Variants in SYT5 observed in about 807,000 individuals in gnomAD.
SYT5 encodes the protein synaptotagmin-5.
A neutral mutation model predicts 36.0 loss-of-function variants in SYT5; 29 were observed. The observed-to-expected ratio is 0.81, with a 90% CI of 0.60 to 1.10. SYT5 has a LOEUF of 1.10. SYT5 is among the 50% of genes least tolerant of loss of function. The pLI, the probability that SYT5 is intolerant of heterozygous loss-of-function variation, is 0.00. For synonymous variants in SYT5, 231 were observed against 227.6 expected (o/e 1.02, Z -0.14); for missense variants, 512 against 516.0 (o/e 0.99, Z 0.08).
Position 55,176,082 on chromosome 19 carries a change from G to C in SYT5, c.295C>G (p.Pro99Ala). The C allele has an allele frequency of 6.2e-7, 1 of 1,614,146 alleles. No homozygotes were observed. Among genetic ancestry groups the C allele is most frequent in the African/African-American group, 1.3e-5 (1 of 75,060 alleles). The change falls in exon 4 of 9, where the codon CCA becomes GCA. Residue 99 changes from proline to alanine, a missense_variant. Coordinates refer to ENST00000354308, the MANE Select transcript of SYT5 (RefSeq NM_003180.3). Reference sequence around the variant, plus strand: ...TGCTTGTCTGCCACCTGCTGCCCTGGCCCGGATGGTGCTGGCTCCAGCTCC... The same window carrying C: ...TGCTTGTCTGCCACCTGCTGCCCTGCCCCGGATGGTGCTGGCTCCAGCTCC... The part of the protein sequence containing the change: ...VEELEPAPSG[P>A]GQQVADKHEL...
In SYT5 at chr19:55,176,050, T is replaced by C. The variant is rs925890006; in HGVS notation, c.327A>G (p.Leu109=). ...PGQQVADKHE[L]GRLQYSLDYD... is the part of the protein sequence containing the mutation. ...AATCCAGGGAGTACTGCAGTCGTCC[T>C]AGCTCATGCTTGTCTGCCACCTGCT... Residue 109 remains leucine, a synonymous_variant, in exon 4 of 9, where the codon CTA becomes CTG. Coordinates refer to ENST00000354308, the MANE Select transcript of SYT5 (RefSeq NM_003180.3). The C allele has an allele frequency of 3.1e-6, 5 of 1,614,096 alleles. No individual in the cohort carries two copies. The African/African-American group carries it at 6.7e-5, about 22-fold the overall frequency.
Position 55,174,898 on chromosome 19 carries a change from G to C in SYT5, c.810C>G (p.Asp270Glu), listed in dbSNP as rs766267256. 1 of 1,613,936 alleles carries C rather than the reference G, an allele frequency of 6.2e-7. No individual in the cohort carries two copies. Among genetic ancestry groups the C allele is most frequent in the South Asian group, 1.1e-5 (1 of 91,062 alleles). Residue 270 changes from aspartate (D) to glutamate (E), a missense_variant, in exon 7 of 9, where the codon GAC (aspartate) becomes GAG (glutamate). Coordinates refer to ENST00000354308, the MANE Select transcript of SYT5 (RefSeq NM_003180.3). ...CCCACACACCTGACAGTCCTCCTAC[G>C]TCCATCTTCTTCAGGTTTTTAGCCT... ...VLEAKNLKKM[D>E]VGGLSDPYVK...
rs2086008005 is a variant in SYT5, at chr19:55,171,830, A to C, written c.*1654T>G. 1 of 152,222 alleles carries C rather than the reference A, an allele frequency of 6.6e-6. No homozygotes were observed. Among genetic ancestry groups the C allele is most frequent in the South Asian group, 2.1e-4 (1 of 4,828 alleles). 9.4% of individuals were successfully genotyped at this position (152,222 alleles called of 1,614,324 possible). Reference sequence around the variant, plus strand: ...GAAAAAATTAGCTAGGCATGGTTGCATGTGCCTGTGGTCCCAGCTACTCAG... The same window carrying C: ...GAAAAAATTAGCTAGGCATGGTTGCCTGTGCCTGTGGTCCCAGCTACTCAG... On this transcript the variant is annotated 3_prime_UTR_variant, in exon 9 of 9. Coordinates refer to ENST00000354308, the MANE Select transcript of SYT5 (RefSeq NM_003180.3).
chr19:55,178,393 C>A, intron 2 of SYT5, 25 bp from the exon 3 acceptor site: 1 of 1,602,718 alleles, frequency 6.2e-7, no homozygotes, highest in Non-Finnish European at 8.5e-7. Flanking sequence ...AGACAACACA[C>A]ATTGAGGCCT....
chr19:55,174,299 G>A (rs553580866), intron 8 of SYT5, among the ~76,000 whole-genome samples: 1 of 152,240 alleles, frequency 6.6e-6, no homozygotes, highest in African/African-American at 2.4e-5. Context: ...GGACATCCCG[G>A]TCCCGCTTAG....
intron 3 of SYT5, 121 bp from the exon 4 acceptor site, chr19:55,176,245 CA>C (rs760624359): frequency 7.3e-7 from 1 of 1,371,636 alleles, no homozygotes; most frequent in Non-Finnish European, 1.0e-6. Flanking sequence ...ACAGGCTAAG[CA>C]GATTCAGTAT....
At chr19:55,174,456 C>T in intron 8 of SYT5, 61 bp downstream of exon 8, 3 of 1,579,778 alleles carry the variant, frequency 1.9e-6, no homozygotes, top group South Asian at 2.3e-5. Context: ...AGTCTCCCTC[C>T]GCCTAGCAAT....
rs2086123917 is a variant in SYT5 at position 55,179,515 on chromosome 19, G to T, written c.-45-429C>A. 3.7e-6 allele frequency: 1 copy of T among 273,112 alleles called. No individual in the cohort carries two copies. Among genetic ancestry groups the T allele is most frequent in the Non-Finnish European group, 6.8e-6 (1 of 146,162 alleles). The allele number at this position is 273,112 out of a possible 1,614,324, so 16.9% of individuals were successfully genotyped here. ...CGCACAGACGCGGAGTCCCGGCGGG[G>T]CAGGCTCGCTCCGGGGCCCACCGGT... is the stretch of plus-strand genomic sequence containing the variant. On this transcript the variant is annotated intron_variant, in intron 1 of 8. Transcript: ENST00000354308. The surrounding 1 kb of genome is among the most constrained non-coding windows in gnomAD (Gnocchi z 4.5).
At position 55,172,148 on chromosome 19, in the gene SYT5, C is replaced by T. The variant is rs112468864; in HGVS notation, c.*1336G>A. 0.052 allele frequency: 7,910 copies of T among 152,072 alleles called. 324 individuals are homozygous for T. The highest frequency in any genetic ancestry group is 0.17 in the East Asian group (866 of 5,154). 9.4% of individuals were successfully genotyped at this position (152,072 alleles called of 1,614,324 possible). On this transcript the variant is annotated 3_prime_UTR_variant, in exon 9 of 9. Coordinates refer to ENST00000354308, the MANE Select transcript of SYT5 (RefSeq NM_003180.3). ...AAAAGAAAAGAAGAAGGGCCGGGCG[C>T]GGTGGCTCACGCCTGTAATCCTAGC...
rs1296234919 is a variant in SYT5 at position 55,172,483 on chromosome 19, AAAAGG to A, written c.*996_*1000del. 2 of 152,142 alleles carry A rather than the reference AAAAGG, an allele frequency of 1.3e-5. No individual in the cohort carries two copies. Among genetic ancestry groups the A allele is most frequent in the Admixed American group, 6.5e-5 (1 of 15,270 alleles). 9.4% of individuals were successfully genotyped at this position (152,142 alleles called of 1,614,324 possible). On this transcript the variant is annotated 3_prime_UTR_variant, in exon 9 of 9. Coordinates refer to ENST00000354308, the MANE Select transcript of SYT5 (RefSeq NM_003180.3). ...AAAAAAAAACAAGAGAAAAAGAAAG[AAAAGG>A]AAAGACAGAAAGAAAACAAAAAGGA...
At chr19:55,174,130 G>A (rs907659531) in intron 8 of SYT5, 30 of 210,792 alleles carry the variant, frequency 1.4e-4, no homozygotes, top group Non-Finnish European at 2.6e-4. Flanking sequence ...CCGCTTAGGA[G>A]TGGGGCATCC....
At chr19:55,178,059 G>T in intron 3 of SYT5, 137 bp downstream of exon 3, 1 of 1,001,894 alleles carries the variant, frequency 1.0e-6, no homozygotes, top group Non-Finnish European at 1.4e-6. Context: ...CCAGTTGAGG[G>T]CTAGACACAC....
At chr19:55,176,282 A>C (rs2086076584) in intron 3 of SYT5, 158 bp from the exon 4 acceptor site, 2 of 962,154 alleles carry the variant, frequency 2.1e-6, no homozygotes, top group Non-Finnish European at 3.1e-6. Context: ...TGCCACAGGC[A>C]GGAAATAGAC....
At position 55,178,753 on chromosome 19, in the gene SYT5, ATTTTTTTTTT is replaced by A. The variant is rs5828614; in HGVS notation, c.79+200_79+209del. ...TGCAACACCCCTTGATCCGGTTTCG[ATTTTTTTTTT>A]TTTTTTTTTTTTTTTTTTTTTGCAA... On this transcript the variant is annotated intron_variant, in intron 2 of 8. Coordinates refer to ENST00000354308, the MANE Select transcript of SYT5 (RefSeq NM_003180.3). Among the ~76,000 whole-genome samples, 14 of 50,478 alleles carry A rather than the reference ATTTTTTTTTT, an allele frequency of 2.8e-4. No individual in the cohort carries two copies. In the East Asian group the frequency reaches 5.7e-3, roughly 21 times the overall value. 33.1% of individuals were successfully genotyped at this position (50,478 alleles called of 152,430 possible).
At position 55,175,645 on chromosome 19, in the gene SYT5, G is replaced by C; in HGVS notation, c.540+64C>G. ...CCTCCAGGAAAAGCGGAAGGGGTCG[G>C]TCCCTAGTGTTCCAGGGACTGGGCA... On this transcript the variant is annotated intron_variant, in intron 5 of 8. Coordinates refer to ENST00000354308, the MANE Select transcript of SYT5 (RefSeq NM_003180.3). The surrounding 1 kb of genome is among the most constrained non-coding windows in gnomAD (Gnocchi z 4.5). 6.3e-7 allele frequency: 1 copy of C among 1,578,656 alleles called. No individual in the cohort carries two copies. The highest frequency in any genetic ancestry group is 8.6e-7 in the Non-Finnish European group (1 of 1,159,460).
chr19:55,175,237 T>A lies in SYT5; in HGVS notation c.643A>T (p.Ser215Cys). 6.2e-7 allele frequency: 1 copy of A among 1,610,934 alleles called. No individual in the cohort carries two copies. The highest frequency in any genetic ancestry group is 8.5e-7 in the Non-Finnish European group (1 of 1,179,106). ...ACTGGCCGCCCCAGGTCCACGGAGC[T>A]CATAGGGACCCGCACCTCCCCGATG... The part of the protein sequence containing the change: ...DAIGEVRVPM[S>C]SVDLGRPVQA... The change falls in exon 6 of 9, where the codon AGC becomes TGC. Residue 215 changes from serine (S) to cysteine (C), a missense_variant. Physicochemically the swap from Ser to Cys is moderately radical, Grantham distance 112 (BLOSUM62 -1). Coordinates refer to ENST00000354308, the MANE Select transcript of SYT5 (RefSeq NM_003180.3). The surrounding 1 kb of genome is among the most constrained non-coding windows in gnomAD (Gnocchi z 4.5).
At chr19:55,174,677 A>C (rs1271644659) in intron 7 of SYT5, 27 bp from the exon 8 acceptor site, 2 of 1,613,720 alleles carry the variant, frequency 1.2e-6, no homozygotes, top group African/African-American at 2.7e-5. Flanking sequence ...GGAGTCTTAT[A>C]GCTCCCCACT....
rs1163409932 is a variant in SYT5, at chr19:55,175,415, G to A, written c.541-76C>T. The stretch of plus-strand genomic sequence containing the variant: ...TGAGGCACAGCACAACCAGAAGGAA[G>A]GCATGGAGTGAGGCAGCGAGGGTCG... On this transcript the variant is annotated intron_variant, in intron 5 of 8. Coordinates refer to ENST00000354308, the MANE Select transcript of SYT5 (RefSeq NM_003180.3). This position sits in a 1 kb window ranked among gnomAD's most constrained non-coding sequence, Gnocchi z 4.5. 3 of 1,426,566 alleles carry A rather than the reference G, an allele frequency of 2.1e-6. No homozygotes were observed. Among genetic ancestry groups the A allele is most frequent in the African/African-American group, 2.9e-5 (2 of 70,018 alleles). 88.4% of individuals were successfully genotyped at this position (1,426,566 alleles called of 1,614,324 possible).
chr19:55,177,868 T>G (rs1046951085), intron 3 of SYT5, among the ~76,000 whole-genome samples: 3 of 152,140 alleles, frequency 2.0e-5, no homozygotes, highest in Non-Finnish European at 4.4e-5. Context: ...AGCCAAATAT[T>G]TATATGTTTC....
Sources: gnomAD v4.1 joint callset for allele counts (sites outside exome capture counted in the v4.1 genomes callset) on GRCh38, gnomAD v4.1.1 for gene constraint, Gnocchi (gnomAD v3.1) non-coding constraint, MANE v1.5 for transcripts, NCBI Gene and HGNC (gene_info 2026-07-23, HGNC 2026-07-21) for gene names.